The following RPL39L variants were observed in gnomAD, a reference collection of about 807,000 sequenced individuals.
RPL39L encodes ribosomal protein eL39-like 2.
For missense variants in RPL39L, 48 were observed against 58.9 expected (o/e 0.81, Z 0.61); for synonymous variants, 16 against 20.1 (o/e 0.80, Z 0.55).
intron 2 of RPL39L, among the ~76,000 whole-genome samples, chr3:187,124,138 G>A (rs902037045): frequency 2.0e-5 from 3 of 152,130 alleles, no homozygotes; most frequent in African/African-American, 7.2e-5. Context: ...CACATCTCAG[G>A]TGATTCAGAG....
At chr3:187,131,937 A>G (rs1720490193) in intron 1 of RPL39L, among the ~76,000 whole-genome samples, 1 of 152,230 alleles carries the variant, frequency 6.6e-6, no homozygotes, top group Admixed American at 6.5e-5. Context: ...ATAGGAAGAT[A>G]TCACATACAC....
At chr3:187,124,046 T>C (rs1486328057) in intron 2 of RPL39L, among the ~76,000 whole-genome samples, 1 of 152,232 alleles carries the variant, frequency 6.6e-6, no homozygotes, top group Non-Finnish European at 1.5e-5. Flanking sequence ...AGTAAGTCAG[T>C]AGTCCTCATT....
intron 1 of RPL39L, among the ~76,000 whole-genome samples, chr3:187,129,076 A>G (rs981074968): frequency 2.0e-5 from 3 of 152,254 alleles, no homozygotes; most frequent in Admixed American, 6.5e-5. Context: ...ATGTGGCAAG[A>G]CAGTGATGAT....
In RPL39L at chr3:187,121,246, G is replaced by A; in HGVS notation, c.55C>T (p.Gln19Ter). The change falls in exon 3 of 3, where the codon CAA (glutamine) becomes TAA (stop). Residue 19 changes from glutamine (Q) to a stop codon, truncating the protein, a stop_gained. Coordinates refer to ENST00000296277, the MANE Select transcript of RPL39L (RefSeq NM_052969.3). LOFTEE classifies it high-confidence loss of function. ...IKRFLAKKQK[Q>*]NRPIPQWIQM... ...ATCCACTGGGGGATGGGACGATTTT[G>A]CTTTTGTTTCTTGGCCAGGAATCGC... 6.2e-7 allele frequency: 1 copy of A among 1,613,956 alleles called. No individual in the cohort carries two copies. Among genetic ancestry groups the A allele is most frequent in the Non-Finnish European group, 8.5e-7 (1 of 1,179,880 alleles).
In RPL39L at chr3:187,120,972, A is replaced by T. The variant is rs186627406; in HGVS notation, c.*173T>A. ...ATTTTTGAAACAAAAGCTTTCACAT[A>T]TTTATTACTGAATCCACCCTACTAG... On this transcript the variant is annotated 3_prime_UTR_variant, in exon 3 of 3. Coordinates refer to ENST00000296277, the MANE Select transcript of RPL39L (RefSeq NM_052969.3). The T allele has an allele frequency of 1.6e-3, 1,127 of 686,744 alleles. 1 individual carries two copies. The highest frequency in any genetic ancestry group is 2.4e-3 in the Admixed American group (87 of 36,944). 42.5% of individuals were successfully genotyped at this position (686,744 alleles called of 1,614,324 possible). A position where few individuals can be genotyped will look rare whatever the true frequency, so the allele number is the denominator to read the frequency against.
chr3:187,136,786 G>T (rs1446248594), intron 1 of RPL39L, among the ~76,000 whole-genome samples: 1 of 151,866 alleles, frequency 6.6e-6, no homozygotes, highest in Non-Finnish European at 1.5e-5. Flanking sequence ...AATTTTCTGA[G>T]TCATGTTAAA....
chr3:187,133,967 T>C (rs1720528696), intron 1 of RPL39L, among the ~76,000 whole-genome samples: 1 of 152,136 alleles, frequency 6.6e-6, no homozygotes, highest in South Asian at 2.1e-4. Flanking sequence ...CTACACAAGA[T>C]GCTTGGCATT....
At chr3:187,133,409 G>C (rs1234755142) in intron 1 of RPL39L, among the ~76,000 whole-genome samples, 1 of 152,088 alleles carries the variant, frequency 6.6e-6, no homozygotes, top group East Asian at 1.9e-4. Context: ...TCTAAGACGT[G>C]CTTTGCTTCC....
At chr3:187,124,007 A>G (rs1183588142) in intron 2 of RPL39L, among the ~76,000 whole-genome samples, 13 of 152,238 alleles carry the variant, frequency 8.5e-5, no homozygotes, top group African/African-American at 2.7e-4. Context: ...AGAACTGGCT[A>G]TAATGCCAAC....
At chr3:187,133,204 T>C (rs1434294752) in intron 1 of RPL39L, among the ~76,000 whole-genome samples, 2 of 152,060 alleles carry the variant, frequency 1.3e-5, no homozygotes, top group Admixed American at 6.5e-5. Context: ...GGGGAAGATA[T>C]GGTTTGGCTT....
At chr3:187,123,266 G>A (rs1007801511) in intron 2 of RPL39L, among the ~76,000 whole-genome samples, 1 of 152,162 alleles carries the variant, frequency 6.6e-6, no homozygotes, top group Non-Finnish European at 1.5e-5. Context: ...GGGTGTGGTT[G>A]AGATACAAAT....
chr3:187,121,363 A>G lies in RPL39L; in HGVS notation c.-28-35T>C, dbSNP rs962621874. On this transcript the variant is annotated intron_variant, in intron 2 of 2. Transcript: ENST00000296277. ...AGAAAGGGAGAGAGAGACAGAGACA[A>G]TATTACCATAGGATAGGATAAGGTA... The G allele has an allele frequency of 3.2e-6, 5 of 1,562,152 alleles. No homozygotes were observed. In the African/African-American group the frequency reaches 4.1e-5, roughly 13 times the overall value.
At chr3:187,138,325 C>T (rs1196438780) in intron 1 of RPL39L, among the ~76,000 whole-genome samples, 1 of 152,114 alleles carries the variant, frequency 6.6e-6, no homozygotes, top group Non-Finnish European at 1.5e-5. Context: ...CCCTTCTGAG[C>T]CCTATGTGAC....
chr3:187,126,455 C>T (rs1417365795), intron 2 of RPL39L, among the ~76,000 whole-genome samples: 2 of 152,114 alleles, frequency 1.3e-5, no homozygotes, highest in African/African-American at 2.4e-5. Context: ...TGAGCCACCA[C>T]GCCCGGCCCA....
intron 1 of RPL39L, among the ~76,000 whole-genome samples, chr3:187,132,544 C>T (rs967441354): frequency 2.0e-5 from 3 of 152,114 alleles, no homozygotes; most frequent in South Asian, 2.1e-4. Context: ...TCTCTATTTT[C>T]GGGAATATTT....
At chr3:187,126,481 T>C (rs372721270) in intron 2 of RPL39L, among the ~76,000 whole-genome samples, 10 of 152,270 alleles carry the variant, frequency 6.6e-5, no homozygotes, top group Middle Eastern at 3.4e-3. Context: ...TGCTTTTTAA[T>C]GTTTTGAAAA....
intron 1 of RPL39L, among the ~76,000 whole-genome samples, chr3:187,128,994 G>A (rs189363272): frequency 3.9e-5 from 6 of 152,184 alleles, no homozygotes; most frequent in Admixed American, 1.3e-4. Flanking sequence ...CCCTTACAAC[G>A]TCCTCTCCTT....
At chr3:187,126,446 G>A (rs553733676) in intron 2 of RPL39L, among the ~76,000 whole-genome samples, 12 of 152,188 alleles carry the variant, frequency 7.9e-5, no homozygotes, top group Non-Finnish European at 1.2e-4. Context: ...TTACAGGCTT[G>A]AGCCACCACG....
In RPL39L at chr3:187,121,121, G is replaced by A. The variant is rs1315476835; in HGVS notation, c.*24C>T. 1.2e-6 allele frequency: 2 copies of A among 1,611,336 alleles called. No homozygotes were observed. The highest frequency in any genetic ancestry group is 2.7e-5 in the African/African-American group (2 of 74,838). On this transcript the variant is annotated 3_prime_UTR_variant, in exon 3 of 3. Coordinates refer to ENST00000296277, the MANE Select transcript of RPL39L (RefSeq NM_052969.3). ...CGTGAACTTGATACAGCATAAATAT[G>A]TGTGCCATCTCATGTGCAATTCCTT...
Sources: allele counts gnomAD v4.1 joint callset (sites outside exome capture counted in the v4.1 genomes callset), GRCh38; gene constraint gnomAD v4.1.1; transcripts MANE v1.5; gene names NCBI Gene and HGNC (gene_info 2026-07-23, HGNC 2026-07-21).